Variants in OPHN1 observed in about 807,000 individuals in gnomAD.
The protein encoded by OPHN1 is oligophrenin 1.
In OPHN1, 11 loss-of-function variants were observed where a neutral mutation model predicts 60.7. The observed-to-expected ratio is 0.18, with a 90% CI of 0.11 to 0.30. OPHN1 has a LOEUF of 0.30. Among genes scored for constraint, OPHN1 ranks in the 10% least tolerant of loss-of-function variants. The pLI is 1.00. For missense variants in OPHN1, 449 were observed against 611.0 expected (o/e 0.73, Z 2.80); for synonymous variants, 226 against 222.6 (o/e 1.02, Z -0.14).
At chrX:68,112,048 C>T (rs2077106425) in intron 17 of OPHN1, 89 bp from the exon 18 acceptor site, 2 of 452,164 alleles carry the variant, frequency 4.4e-6, no homozygotes, top group South Asian at 5.8e-5. Flanking sequence ...CAAACACACA[C>T]ACATGCACAC....
intron 2 of OPHN1, among the ~76,000 whole-genome samples, chrX:68,325,398 A>T (rs2078255856): frequency 9.4e-6 from 1 of 106,654 alleles, no homozygotes; most frequent in African/African-American, 3.4e-5. Context: ...ATGCACATAT[A>T]TATAAAAAAT....
chrX:68,260,755 C>T (rs779940708), intron 5 of OPHN1, among the ~76,000 whole-genome samples: 6 of 111,764 alleles, frequency 5.4e-5, no homozygotes, highest in Non-Finnish European at 1.1e-4. Flanking sequence ...ACTTGATCTT[C>T]CCTGCTAATG....
At chrX:68,121,103 C>G (rs906389000) in intron 15 of OPHN1, among the ~76,000 whole-genome samples, 1 of 112,197 alleles carries the variant, frequency 8.9e-6, no homozygotes, top group Non-Finnish European at 1.9e-5. Flanking sequence ...GGATCAGACT[C>G]TAAAGACACA....
At chrX:68,329,283 A>G (rs1433288987) in intron 2 of OPHN1, among the ~76,000 whole-genome samples, 7 of 112,239 alleles carry the variant, frequency 6.2e-5, no homozygotes, top group Non-Finnish European at 1.3e-4. Flanking sequence ...TGTAAGTATA[A>G]ATGTGTATAA....
In OPHN1 at chrX:68,070,446, A is replaced by G; in HGVS notation, c.1834+2706T>C. The stretch of plus-strand genomic sequence containing the variant: ...AATCTTGACATGGAAGGTTTTAGCT[A>G]ATGCCAAGTGGAGATGCAGAAAATG... On this transcript the variant is annotated intron_variant, in intron 20 of 24. Coordinates refer to ENST00000355520, the MANE Select transcript of OPHN1 (RefSeq NM_002547.3). The G allele has an allele frequency of 7.2e-6, 4 of 554,178 alleles. No homozygotes were observed. The South Asian group carries it at 9.5e-5, about 13-fold the overall frequency. The allele number at this position is 554,178 out of a possible 1,213,427, so 45.7% of individuals were successfully genotyped here.
chrX:68,356,493 A>T (rs2078441526), intron 2 of OPHN1, among the ~76,000 whole-genome samples: 1 of 109,270 alleles, frequency 9.2e-6, no homozygotes, highest in Non-Finnish European at 1.9e-5. Flanking sequence ...GCTCACTGCA[A>T]CCTCCACCTC....
intron 3 of OPHN1, among the ~76,000 whole-genome samples, chrX:68,285,685 G>A (rs1178354896): frequency 9.1e-6 from 1 of 110,260 alleles, no homozygotes; most frequent in African/African-American, 3.3e-5. Context: ...GGTATCTGAG[G>A]TTCTGTTCAT....
chrX:68,406,437 C>G (rs894159306), intron 2 of OPHN1, among the ~76,000 whole-genome samples: 8 of 110,085 alleles, frequency 7.3e-5, no homozygotes. Context: ...CATGGTGGAA[C>G]CCCATTTCTA....
intron 19 of OPHN1, among the ~76,000 whole-genome samples, chrX:68,095,249 C>T (rs1312662496): frequency 9.0e-6 from 1 of 111,527 alleles, no homozygotes; most frequent in Non-Finnish European, 1.9e-5. Context: ...ATCAATTTAT[C>T]ACATCTGGGC....
chrX:68,400,021 G>A (rs2078705653), intron 2 of OPHN1, among the ~76,000 whole-genome samples: 1 of 109,885 alleles, frequency 9.1e-6, no homozygotes, highest in Non-Finnish European at 1.9e-5. Context: ...AGGAGTGTGA[G>A]CTTTGTAACT....
chrX:68,062,460 T>C (rs964162386), intron 21 of OPHN1, among the ~76,000 whole-genome samples: 2 of 112,279 alleles, frequency 1.8e-5, no homozygotes, highest in Admixed American at 9.4e-5. Flanking sequence ...ATTCCAAACA[T>C]TAAAAAATGT....
chrX:68,283,859 G>A (rs1177920315), intron 3 of OPHN1, among the ~76,000 whole-genome samples: 1 of 111,702 alleles, frequency 9.0e-6, no homozygotes, highest in South Asian at 3.7e-4. Flanking sequence ...AACAAGTCCA[G>A]CATTCCTGGT....
chrX:68,168,390 C>T (rs1238326588), intron 15 of OPHN1, among the ~76,000 whole-genome samples: 2 of 112,732 alleles, frequency 1.8e-5, no homozygotes, highest in Non-Finnish European at 3.7e-5. Flanking sequence ...GAACAACCTA[C>T]TCCTGAATGA....
At chrX:68,073,066 A>G in intron 20 of OPHN1, 86 bp downstream of exon 20, 1 of 1,044,999 alleles carries the variant, frequency 9.6e-7, no homozygotes, top group Non-Finnish European at 1.3e-6. Flanking sequence ...TAGAGAGAAA[A>G]ATGGTCATGC....
At chrX:68,242,368 C>A (rs936385607) in intron 5 of OPHN1, among the ~76,000 whole-genome samples, 2 of 110,682 alleles carry the variant, frequency 1.8e-5, no homozygotes, top group Non-Finnish European at 3.8e-5. Context: ...GGGTGACAGG[C>A]TGAGATCCTG....
intron 6 of OPHN1, among the ~76,000 whole-genome samples, chrX:68,230,150 G>C (rs2077720171): frequency 8.9e-6 from 1 of 112,008 alleles, no homozygotes; most frequent in South Asian, 3.7e-4. Flanking sequence ...GCAGTCAACA[G>C]ACACAGGAAA....
intron 2 of OPHN1, among the ~76,000 whole-genome samples, chrX:68,404,884 A>C (rs751535154): frequency 9.0e-6 from 1 of 111,668 alleles, no homozygotes; most frequent in East Asian, 2.8e-4. Context: ...ATCATAGAAA[A>C]AGGAAGTAGA....
intron 15 of OPHN1, among the ~76,000 whole-genome samples, chrX:68,125,930 A>AATATATATATAT (rs59058075): frequency 0.12 from 2,573 of 22,120 alleles, 301 homozygotes; most frequent in Non-Finnish European, 0.17. Flanking sequence ...ACCACTGATC[A>AATATATATATAT]ATATATATAT....
chrX:68,058,127 C>T (rs2076880022), intron 21 of OPHN1, among the ~76,000 whole-genome samples: 1 of 111,103 alleles, frequency 9.0e-6, no homozygotes, highest in South Asian at 3.9e-4. Context: ...TTTTGAAGTA[C>T]TCTACATGTA....
Sources: allele counts gnomAD v4.1 joint callset (sites outside exome capture counted in the v4.1 genomes callset), GRCh38; gene constraint gnomAD v4.1.1; transcripts MANE v1.5; gene names NCBI Gene and HGNC (gene_info 2026-07-23, HGNC 2026-07-21).